The following ANTXR1 variants were observed in gnomAD, a reference collection of about 807,000 sequenced individuals.
ANTXR1 encodes ANTXR cell adhesion molecule 1, also known as anthrax toxin receptor 1.
In ANTXR1, 19 loss-of-function variants were observed where a neutral mutation model predicts 78.1. That is an observed-to-expected ratio of 0.24 (90% CI 0.17 to 0.36). The LOEUF (loss-of-function observed/expected upper bound fraction) is 0.36, where lower values mean the gene tolerates loss of function less well. Ranked by LOEUF, ANTXR1 falls within the 10% of genes least tolerant of loss-of-function variation. ANTXR1 has a pLI of 1.00. For missense variants in ANTXR1, 518 were observed against 718.6 expected, an observed-to-expected ratio of 0.72 and a Z score of 3.19; for synonymous variants, 273 against 260.5, an observed-to-expected ratio of 1.05 and a Z score of -0.46.
At chr2:69,127,002 AT>A (rs532909423) in intron 12 of ANTXR1, among the ~76,000 whole-genome samples, 7 of 152,226 alleles carry the variant, frequency 4.6e-5, no homozygotes, top group Non-Finnish European at 1.0e-4. Flanking sequence ...TCAATCATGT[AT>A]TCAACACATA....
At chr2:69,105,025 G>T (rs1031254412) in intron 10 of ANTXR1, among the ~76,000 whole-genome samples, 1 of 152,222 alleles carries the variant, frequency 6.6e-6, no homozygotes, top group African/African-American at 2.4e-5. Context: ...GGCAGAGGTT[G>T]CAGTGAACTG....
intron 14 of ANTXR1, among the ~76,000 whole-genome samples, chr2:69,181,041 G>A (rs976045868): frequency 3.3e-5 from 5 of 152,202 alleles, no homozygotes; most frequent in Non-Finnish European, 7.3e-5. Flanking sequence ...TGATAAGGAA[G>A]AAGGCCAGAA....
At chr2:69,124,120 T>TA (rs1214223944) in intron 11 of ANTXR1, among the ~76,000 whole-genome samples, 1 of 152,178 alleles carries the variant, frequency 6.6e-6, no homozygotes, top group Non-Finnish European at 1.5e-5. Context: ...TGTTGAATGG[T>TA]AACAAAGCCA....
chr2:69,069,870 C>T (rs1670514663), intron 3 of ANTXR1, among the ~76,000 whole-genome samples: 2 of 152,186 alleles, frequency 1.3e-5, no homozygotes, highest in South Asian at 4.1e-4. Context: ...AAATTTCAAA[C>T]CCTTCATAGG....
At position 69,073,038 on chromosome 2, in the gene ANTXR1, C is replaced by T. The variant is rs754480769; in HGVS notation, c.429C>T (p.Ser143=). 1.4e-5 allele frequency: 22 copies of T among 1,614,008 alleles called. No homozygotes were observed. Among genetic ancestry groups the T allele is most frequent in the Non-Finnish European group, 1.9e-5 (22 of 1,179,884 alleles). The change falls in exon 6 of 18, where the codon AGC becomes AGT. Residue 143 remains serine, a synonymous_variant. Coordinates refer to ENST00000303714, the MANE Select transcript of ANTXR1 (RefSeq NM_032208.3). ...YENRQGYRTA[S]VIIALTDGEL... ...GTTAAACAGGGTACAGGACAGCCAG[C>T]GTCATCATTGCTTTGACTGATGGAG...
chr2:69,213,804 G>C (rs1675109499), intron 17 of ANTXR1, among the ~76,000 whole-genome samples: 1 of 152,268 alleles, frequency 6.6e-6, no homozygotes, highest in African/African-American at 2.4e-5. Flanking sequence ...GTCATGGAAA[G>C]AGCCAGGGCC....
intron 12 of ANTXR1, among the ~76,000 whole-genome samples, chr2:69,148,290 G>GC (rs1444157853): frequency 6.6e-6 from 1 of 152,112 alleles, no homozygotes; most frequent in Non-Finnish European, 1.5e-5. Context: ...CACTGCCCCT[G>GC]CCCTACCCCA....
intron 10 of ANTXR1, among the ~76,000 whole-genome samples, chr2:69,116,808 T>C (rs543591799): frequency 6.6e-6 from 1 of 152,332 alleles, no homozygotes; most frequent in East Asian, 1.9e-4. Context: ...CAAGAAAAGA[T>C]TGCCAAGACT....
chr2:69,205,808 G>A (rs866086277), intron 17 of ANTXR1, among the ~76,000 whole-genome samples: 12 of 152,128 alleles, frequency 7.9e-5, no homozygotes, highest in South Asian at 2.1e-4. Context: ...CTAGGGACAT[G>A]TCCAGATAAA....
chr2:69,153,251 C>T (rs907938518), intron 13 of ANTXR1, among the ~76,000 whole-genome samples: 1 of 152,182 alleles, frequency 6.6e-6, no homozygotes, highest in Admixed American at 6.5e-5. Flanking sequence ...GAAACTTCAG[C>T]ATTTAGCACA....
chr2:69,062,388 G>A (rs999569060), intron 3 of ANTXR1, among the ~76,000 whole-genome samples: 1 of 152,164 alleles, frequency 6.6e-6, no homozygotes, highest in African/African-American at 2.4e-5. Flanking sequence ...CAAAGGTCAA[G>A]CAAAAATATC....
intron 17 of ANTXR1, among the ~76,000 whole-genome samples, chr2:69,226,732 A>G (rs1335935680): frequency 6.6e-6 from 1 of 152,202 alleles, no homozygotes; most frequent in Non-Finnish European, 1.5e-5. Flanking sequence ...TCCACTTTTA[A>G]TGAACAAATA....
Position 69,245,680 on chromosome 2 carries a change from G to T in ANTXR1, c.*195G>T. ...TATTTTAAATTGCCAGAAAACAAATGATGAGGCAACTACAGTCAGATTTAT... is the reference window on the plus strand; with the variant it reads ...TATTTTAAATTGCCAGAAAACAAATTATGAGGCAACTACAGTCAGATTTAT... On this transcript the variant is annotated 3_prime_UTR_variant, in exon 18 of 18. Coordinates refer to ENST00000303714, the MANE Select transcript of ANTXR1 (RefSeq NM_032208.3). The T allele has an allele frequency of 1.4e-6, 1 of 738,978 alleles. No individual in the cohort carries two copies. The allele number at this position is 738,978 out of a possible 1,614,324, so 45.8% of individuals were successfully genotyped here.
chr2:69,047,372 A>G (rs1332731145), intron 3 of ANTXR1, among the ~76,000 whole-genome samples: 1 of 97,702 alleles, frequency 1.0e-5, no homozygotes, highest in Non-Finnish European at 1.7e-5. Flanking sequence ...ATCTGCAAGC[A>G]CTTTATCCTT....
At chr2:69,139,768 A>G (rs1210403551) in intron 12 of ANTXR1, among the ~76,000 whole-genome samples, 1 of 152,208 alleles carries the variant, frequency 6.6e-6, no homozygotes, top group African/African-American at 2.4e-5. Context: ...CAACTAATAC[A>G]TGAGGGATGA....
At chr2:69,145,037 T>C (rs547905200) in intron 12 of ANTXR1, among the ~76,000 whole-genome samples, 5 of 152,308 alleles carry the variant, frequency 3.3e-5, no homozygotes, top group African/African-American at 1.2e-4. Flanking sequence ...CAAAAAATGA[T>C]ACATGAAAAC....
intron 3 of ANTXR1, among the ~76,000 whole-genome samples, chr2:69,050,124 T>A (rs1281608994): frequency 6.6e-6 from 1 of 151,682 alleles, no homozygotes; most frequent in Non-Finnish European, 1.5e-5. Flanking sequence ...GGAGACCCCA[T>A]CTCTACAAAA....
At chr2:69,061,098 T>G (rs1670225942) in intron 3 of ANTXR1, among the ~76,000 whole-genome samples, 1 of 152,192 alleles carries the variant, frequency 6.6e-6, no homozygotes, top group Admixed American at 6.5e-5. Flanking sequence ...TGTAGAATCC[T>G]AGAAAGCTCA....
chr2:69,134,312 C>T (rs11693440), intron 12 of ANTXR1, among the ~76,000 whole-genome samples: 20,744 of 152,080 alleles, frequency 0.14, 2,420 homozygotes, highest in East Asian at 0.33. Context: ...CAAAGGGCTG[C>T]GCTGAAACAC....
Sources: allele counts gnomAD v4.1 joint callset (sites outside exome capture counted in the v4.1 genomes callset), GRCh38; gene constraint gnomAD v4.1.1; transcripts MANE v1.5; gene names NCBI Gene and HGNC (gene_info 2026-07-23, HGNC 2026-07-21).